Variants in MAGI2 observed in about 807,000 individuals in gnomAD.
MAGI2 encodes the protein membrane-associated guanylate kinase, WW and PDZ domain-containing protein 2.
MAGI2 carries 35 observed loss-of-function variants against 133.3 expected under a neutral mutation model. The ratio of observed to expected loss-of-function variants is 0.26; its 90% CI spans 0.20 to 0.35. MAGI2 has a LOEUF of 0.35. MAGI2 is among the 10% of genes least tolerant of loss of function. The pLI, the probability that MAGI2 is intolerant of heterozygous loss-of-function variation, is 1.00. For synonymous variants in MAGI2, 729 were observed against 710.6 expected (o/e 1.03, Z -0.41); for missense variants, 1,636 against 1,863.4 (o/e 0.88, Z 2.25).
chr7:78,611,821 AG>A (rs1380223761), intron 3 of MAGI2, among the ~76,000 whole-genome samples: 1 of 152,174 alleles, frequency 6.6e-6, no homozygotes, highest in Non-Finnish European at 1.5e-5. Context: ...CAGCACAAAA[AG>A]GTTGTAAATG....
intron 2 of MAGI2, among the ~76,000 whole-genome samples, chr7:78,825,767 T>G (rs1563549920): frequency 6.6e-6 from 1 of 152,180 alleles, no homozygotes; most frequent in African/African-American, 2.4e-5. Flanking sequence ...CAATATTTAC[T>G]GAAGGCCTAC....
In MAGI2 at chr7:78,694,521, C is replaced by T. The variant is rs749266343; in HGVS notation, c.419-67282G>A. ...TGAGTTAGCAGTACACACATACACA[C>T]TCATACACAGAGACTCTGAGTTCTA... On this transcript the variant is annotated intron_variant, in intron 2 of 21. Transcript: ENST00000354212. 9.9e-5 allele frequency among the ~76,000 whole-genome samples: 15 copies of T among 152,160 alleles called. 1 individual carries two copies. Among genetic ancestry groups the T allele is most frequent in the Non-Finnish European group, 2.2e-4 (15 of 68,030 alleles).
At chr7:78,553,103 A>C (rs1309010031) in intron 3 of MAGI2, among the ~76,000 whole-genome samples, 2 of 151,630 alleles carry the variant, frequency 1.3e-5, no homozygotes, top group Non-Finnish European at 2.9e-5. Context: ...TTAAAAAAAA[A>C]AAAAACAAAC....
intron 2 of MAGI2, among the ~76,000 whole-genome samples, chr7:78,920,282 A>C (rs1434020117): frequency 1.3e-5 from 2 of 152,128 alleles, no homozygotes; most frequent in Non-Finnish European, 2.9e-5. Context: ...CCAGCTGTAA[A>C]ATGAGAAAAA....
At chr7:78,903,226 C>T (rs1012281264) in intron 2 of MAGI2, among the ~76,000 whole-genome samples, 2 of 105,260 alleles carry the variant, frequency 1.9e-5, no homozygotes, top group African/African-American at 7.1e-5. Context: ...CAGAGTCTCG[C>T]TCTTTCGCCC....
At chr7:78,439,163 T>C (rs1437721173) in intron 6 of MAGI2, among the ~76,000 whole-genome samples, 1 of 152,120 alleles carries the variant, frequency 6.6e-6, no homozygotes, top group Non-Finnish European at 1.5e-5. Context: ...TAAAGAACAG[T>C]GTTTGTGGAA....
At chr7:79,171,323 C>A (rs1169403768) in intron 1 of MAGI2, among the ~76,000 whole-genome samples, 7 of 151,892 alleles carry the variant, frequency 4.6e-5, no homozygotes, top group Admixed American at 4.6e-4. Flanking sequence ...CCTTTGTGTC[C>A]AAATCTTCCC....
At chr7:78,507,280 A>G (rs1014742438) in intron 4 of MAGI2, among the ~76,000 whole-genome samples, 1 of 152,218 alleles carries the variant, frequency 6.6e-6, no homozygotes, top group African/African-American at 2.4e-5. Flanking sequence ...ACCTAGGGAT[A>G]CGGTTTAATG....
rs932503284 is a variant in MAGI2, at chr7:79,211,281, T to C, written c.302-204075A>G. 5.3e-5 allele frequency among the ~76,000 whole-genome samples: 8 copies of C among 151,940 alleles called. 1 individual carries two copies. On this transcript the variant is annotated intron_variant, in intron 1 of 21. Coordinates refer to ENST00000354212, the MANE Select transcript of MAGI2 (RefSeq NM_012301.4). ...TAAAACGTACACAAACCTTTCTTTT[T>C]ATTTATTTTTTTTAAGACAGGGTCT...
chr7:78,405,268 A>G (rs1225711468), intron 6 of MAGI2, among the ~76,000 whole-genome samples: 1 of 152,110 alleles, frequency 6.6e-6, no homozygotes, highest in Non-Finnish European at 1.5e-5. Context: ...TCTCTGAAAT[A>G]ATTTCATTCT....
At chr7:79,112,840 G>T (rs1180473991) in intron 1 of MAGI2, among the ~76,000 whole-genome samples, 2 of 152,002 alleles carry the variant, frequency 1.3e-5, no homozygotes. Context: ...AAATGCAATT[G>T]TTCCATGACC....
chr7:79,329,033 A>G (rs62458971), intron 1 of MAGI2, among the ~76,000 whole-genome samples: 2,077 of 152,298 alleles, frequency 0.014, 18 homozygotes, highest in Non-Finnish European at 0.021. Flanking sequence ...AGCAATCTGT[A>G]TGTTTAAAGA....
chr7:78,053,017 G>A (rs115475175), intron 21 of MAGI2, among the ~76,000 whole-genome samples: 2,535 of 152,198 alleles, frequency 0.017, 76 homozygotes, highest in African/African-American at 0.058. Context: ...AAAAGTAGTC[G>A]AAATATTGTC....
intron 9 of MAGI2, among the ~76,000 whole-genome samples, chr7:78,333,533 T>C (rs758384089): frequency 1.4e-4 from 21 of 152,314 alleles, no homozygotes; most frequent in South Asian, 2.1e-4. Context: ...GTTTTAGGAA[T>C]TGACAGACCA....
At chr7:78,394,596 TAA>T (rs1192442923) in intron 6 of MAGI2, among the ~76,000 whole-genome samples, 4 of 152,194 alleles carry the variant, frequency 2.6e-5, no homozygotes, top group Non-Finnish European at 5.9e-5. Context: ...TTTCCCTTCT[TAA>T]AAGTGTCTGC....
intron 10 of MAGI2, among the ~76,000 whole-genome samples, chr7:78,202,457 C>T (rs555437750): frequency 4.6e-5 from 7 of 151,892 alleles, no homozygotes; most frequent in East Asian, 1.9e-4. Flanking sequence ...CCGAGGCGGG[C>T]GGATTACCCA....
At chr7:78,568,740 G>T (rs2150760197) in intron 3 of MAGI2, among the ~76,000 whole-genome samples, 1 of 151,840 alleles carries the variant, frequency 6.6e-6, no homozygotes, top group African/African-American at 2.4e-5. Flanking sequence ...TTAAAATGTT[G>T]TACATATAAA....
At chr7:78,961,007 C>T (rs981826856) in intron 2 of MAGI2, among the ~76,000 whole-genome samples, 1 of 152,032 alleles carries the variant, frequency 6.6e-6, no homozygotes, top group African/African-American at 2.4e-5. Flanking sequence ...TTCTGATTTC[C>T]CTTGCCATCT....
At chr7:79,260,718 G>A (rs1834025379) in intron 1 of MAGI2, among the ~76,000 whole-genome samples, 4 of 152,080 alleles carry the variant, frequency 2.6e-5, no homozygotes, top group Admixed American at 2.6e-4. Context: ...TTAAATTATT[G>A]TAAACAATTA....
Sources: gnomAD v4.1 joint callset for allele counts (sites outside exome capture counted in the v4.1 genomes callset) on GRCh38, gnomAD v4.1.1 for gene constraint, MANE v1.5 for transcripts, NCBI Gene and HGNC (gene_info 2026-07-23, HGNC 2026-07-21) for gene names.